SHB: variants seen among roughly 807,000 people sequenced by gnomAD.
SHB encodes SH2 domain-containing adapter protein B.
SHB carries 20 observed loss-of-function variants against 52.3 expected under a neutral mutation model. That is an observed-to-expected ratio of 0.38 (90% CI 0.27 to 0.56). The LOEUF is 0.56. Among genes scored for constraint, SHB ranks in the 20% least tolerant of loss-of-function variants. The probability of loss-of-function intolerance (pLI) is 0.71; values close to 1 mark genes in which losing one functional copy is unlikely to be tolerated. For missense variants in SHB, 825 were observed against 723.3 expected, an observed-to-expected ratio of 1.14 and a Z score of -1.61; for synonymous variants, 397 against 316.5, an observed-to-expected ratio of 1.25 and a Z score of -2.70.
intron 3 of SHB, 51 bp downstream of exon 3, chr9:37,974,571 T>C (rs1442222015): frequency 1.3e-6 from 2 of 1,517,442 alleles, no homozygotes; most frequent in Non-Finnish European, 1.8e-6. Flanking sequence ...CCAAGGTGAG[T>C]GCTGAGCGCA....
At chr9:37,965,662 A>G (rs145902807) in intron 3 of SHB, among the ~76,000 whole-genome samples, 3,048 of 143,290 alleles carry the variant, frequency 0.021, 39 homozygotes, top group Middle Eastern at 0.054. Flanking sequence ...TACAACCTCC[A>G]CCTCCGGGGT....
At chr9:37,969,994 C>T (rs1423632931) in intron 3 of SHB, among the ~76,000 whole-genome samples, 1 of 152,188 alleles carries the variant, frequency 6.6e-6, no homozygotes, top group Non-Finnish European at 1.5e-5. Flanking sequence ...GGGCCAGGAA[C>T]AGAGTCTAGC....
intron 5 of SHB, among the ~76,000 whole-genome samples, chr9:37,947,980 G>C (rs1832513418): frequency 6.6e-6 from 1 of 152,184 alleles, no homozygotes; most frequent in African/African-American, 2.4e-5. Context: ...TCCAGCAATA[G>C]CACCCAACTA....
intron 3 of SHB, among the ~76,000 whole-genome samples, chr9:37,965,150 T>C (rs1371629029): frequency 6.6e-6 from 1 of 152,192 alleles, no homozygotes; most frequent in Non-Finnish European, 1.5e-5. Context: ...CCACTGTGTA[T>C]GTTTCTCTGC....
chr9:38,049,530 G>A (rs562249956), intron 1 of SHB, among the ~76,000 whole-genome samples: 1 of 151,084 alleles, frequency 6.6e-6, no homozygotes, highest in East Asian at 2.0e-4. Flanking sequence ...AGAATCGCTT[G>A]AACCCAGGAG....
At chr9:38,067,488 A>C (rs1245634551) in intron 1 of SHB, among the ~76,000 whole-genome samples, 7 of 152,090 alleles carry the variant, frequency 4.6e-5, no homozygotes, top group Non-Finnish European at 8.8e-5. Context: ...GCCACCAAGA[A>C]AGCTGTGTAA....
At chr9:38,010,587 C>T (rs1821127711) in intron 2 of SHB, among the ~76,000 whole-genome samples, 1 of 152,226 alleles carries the variant, frequency 6.6e-6, no homozygotes, top group Non-Finnish European at 1.5e-5. Flanking sequence ...TCATCACCGC[C>T]ACCTCCCACA....
intron 4 of SHB, 27 bp downstream of exon 4, chr9:37,955,856 G>A (rs1832624347): frequency 6.2e-7 from 1 of 1,604,162 alleles, no homozygotes; most frequent in Non-Finnish European, 8.5e-7. Context: ...TGGGAGGTGA[G>A]GTTGGGCTTT....
At chr9:38,026,115 A>G (rs577803684) in intron 1 of SHB, among the ~76,000 whole-genome samples, 84 of 152,328 alleles carry the variant, frequency 5.5e-4, no homozygotes, top group African/African-American at 1.9e-3. Context: ...GGCTCTGTAC[A>G]GTAAGAATAA....
At chr9:37,927,788 TC>T (rs1832267028) in intron 5 of SHB, among the ~76,000 whole-genome samples, 1 of 151,670 alleles carries the variant, frequency 6.6e-6, no homozygotes, top group African/African-American at 2.4e-5. Context: ...CCTTTTGTAG[TC>T]CCCCCTCAGG....
At chr9:38,015,044 CAG>C (rs1202692585) in intron 2 of SHB, among the ~76,000 whole-genome samples, 2 of 152,366 alleles carry the variant, frequency 1.3e-5, no homozygotes, top group East Asian at 3.9e-4. Flanking sequence ...TCCAGATACA[CAG>C]GGTACCAATT....
chr9:37,933,117 G>A (rs988891464), intron 5 of SHB, among the ~76,000 whole-genome samples: 22 of 152,102 alleles, frequency 1.4e-4, no homozygotes, highest in East Asian at 1.9e-4. Flanking sequence ...CAAAGGCATC[G>A]GGTTGACTGG....
chr9:38,046,152 G>A (rs1047288779), intron 1 of SHB, among the ~76,000 whole-genome samples: 6 of 151,380 alleles, frequency 4.0e-5, no homozygotes, highest in Admixed American at 6.6e-5. Flanking sequence ...GCTCAAAACC[G>A]GGAGGCGGAA....
chr9:37,922,100 C>G (rs996939575), intron 5 of SHB, among the ~76,000 whole-genome samples: 3 of 152,224 alleles, frequency 2.0e-5, no homozygotes, highest in Admixed American at 6.5e-5. Flanking sequence ...GCTGGACCAG[C>G]AGGCTTTGTG....
chr9:37,987,146 GC>G (rs1358149164), intron 2 of SHB, among the ~76,000 whole-genome samples: 3 of 152,200 alleles, frequency 2.0e-5, no homozygotes, highest in Non-Finnish European at 4.4e-5. Context: ...GTGCAGCCAG[GC>G]CCCTCCCCGC....
intron 2 of SHB, chr9:38,015,625 C>A (rs1261792155): frequency 8.3e-6 from 5 of 601,062 alleles, no homozygotes; most frequent in African/African-American, 1.9e-5. Context: ...ACCCAGCCTG[C>A]TTCCCTTTTT....
In SHB at chr9:37,991,001, T is replaced by C. The variant is rs186836041; in HGVS notation, c.839-16164A>G. 3.9e-5 allele frequency among the ~76,000 whole-genome samples: 6 copies of C among 152,296 alleles called. No homozygotes were observed. The East Asian group carries it at 1.2e-3, about 29-fold the overall frequency. ...AACAATCCTTGTCTCGGGAGGGAGA[T>C]TTCACTTTTTACCTCCTATAAGCCT... On this transcript the variant is annotated intron_variant, in intron 2 of 5. Coordinates refer to ENST00000377707, the MANE Select transcript of SHB (RefSeq NM_003028.3).
chr9:37,957,617 G>A (rs556779021), intron 3 of SHB, among the ~76,000 whole-genome samples: 24 of 152,296 alleles, frequency 1.6e-4, no homozygotes, highest in Admixed American at 1.0e-3. Context: ...TAGTCCACCC[G>A]CGATGACACT....
At chr9:38,012,324 C>G (rs1485390189) in intron 2 of SHB, among the ~76,000 whole-genome samples, 1 of 152,238 alleles carries the variant, frequency 6.6e-6, no homozygotes, top group African/African-American at 2.4e-5. Context: ...AGCCCCACAA[C>G]TGACTTACCA....
Sources: allele counts gnomAD v4.1 joint callset (sites outside exome capture counted in the v4.1 genomes callset), GRCh38; gene constraint gnomAD v4.1.1; transcripts MANE v1.5; gene names NCBI Gene and HGNC (gene_info 2026-07-23, HGNC 2026-07-21).